Variants in TRIM67 observed in about 807,000 individuals in gnomAD.
TRIM67 encodes tripartite motif-containing protein 67.
Under a neutral mutation model 71.0 loss-of-function variants are expected in TRIM67, and 39 were observed. The ratio of observed to expected loss-of-function variants is 0.55; its 90% CI spans 0.43 to 0.72. The LOEUF is 0.72. Ranked by LOEUF, TRIM67 falls within the 30% of genes least tolerant of loss-of-function variation. The probability of loss-of-function intolerance (pLI) is 0.00; values close to 1 mark genes in which losing one functional copy is unlikely to be tolerated. For synonymous variants in TRIM67, 481 were observed against 473.9 expected (o/e 1.01, Z -0.19); for missense variants, 973 against 1,079.2 (o/e 0.90, Z 1.38).
In TRIM67 at chr1:231,167,319, C is replaced by CTTTTTTTTTTTTTTTTTTTTTTT; in HGVS notation, c.1044+3327_1044+3328insTTTTTTTTTTTTTTTTTTTTTTT. 8.7e-4 allele frequency among the ~76,000 whole-genome samples: 45 copies of CTTTTTTTTTTTTTTTTTTTTTTT among 51,838 alleles called. 10 individuals carry two copies. The highest frequency in any genetic ancestry group is 1.3e-3 in the Non-Finnish European group (36 of 27,216). 34.0% of individuals were successfully genotyped at this position (51,838 alleles called of 152,430 possible). A position where few individuals can be genotyped will look rare whatever the true frequency, so the allele number is the denominator to read the frequency against. Reference sequence around the variant, plus strand: ...ACAGGACTTTTGATCACTCTAATGTCTTTTTTTTTTTTTTTTTTTTTGAGA... The same window carrying CTTTTTTTTTTTTTTTTTTTTTTT: ...ACAGGACTTTTGATCACTCTAATGTCTTTTTTTTTTTTTTTTTTTTTTTTTTTTTTTTTTTTTTTTTTTTGAGA... On this transcript the variant is annotated intron_variant, in intron 1 of 9. Transcript: ENST00000366653.
intron 1 of TRIM67, chr1:231,187,401 T>G (rs575838779): frequency 2.0e-6 from 2 of 987,174 alleles, no homozygotes; most frequent in Non-Finnish European, 2.8e-6. Context: ...TTAATTTTTT[T>G]AAAAAATGAG....
At chr1:231,200,416 C>G (rs1683488031) in intron 4 of TRIM67, among the ~76,000 whole-genome samples, 158 bp downstream of exon 4, 1 of 152,216 alleles carries the variant, frequency 6.6e-6, no homozygotes, top group Non-Finnish European at 1.5e-5. Context: ...CACCTTGGCT[C>G]TGACTCTCAC....
intron 1 of TRIM67, among the ~76,000 whole-genome samples, chr1:231,164,849 A>T (rs185924763): frequency 3.2e-4 from 48 of 152,344 alleles, no homozygotes; most frequent in Non-Finnish European, 5.9e-4. Flanking sequence ...ATTCCTATAT[A>T]GATTTGTTGT....
At chr1:231,165,727 T>A (rs1034496821) in intron 1 of TRIM67, among the ~76,000 whole-genome samples, 1 of 152,236 alleles carries the variant, frequency 6.6e-6, no homozygotes, top group Admixed American at 6.5e-5. Flanking sequence ...TTTCATCTTT[T>A]AAGTGAATAA....
intron 7 of TRIM67, among the ~76,000 whole-genome samples, chr1:231,208,009 C>CTTTTT (rs796809572): frequency 7.6e-6 from 1 of 132,114 alleles, no homozygotes; most frequent in African/African-American, 2.9e-5. Flanking sequence ...TCCTCCTGTA[C>CTTTTT]TTTTTTTTTT....
chr1:231,186,676 T>C (rs750627300), intron 1 of TRIM67, among the ~76,000 whole-genome samples: 45 of 152,126 alleles, frequency 3.0e-4, no homozygotes, highest in Non-Finnish European at 5.6e-4. Flanking sequence ...TCATTCTAAC[T>C]GAATCATCTC....
At chr1:231,198,768 T>C (rs1013219189) in intron 2 of TRIM67, among the ~76,000 whole-genome samples, 2 of 152,334 alleles carry the variant, frequency 1.3e-5, no homozygotes, top group African/African-American at 4.8e-5. Flanking sequence ...CTGACTTTTT[T>C]TCTTTCTTAA....
chr1:231,190,970 G>A (rs1276527276), intron 1 of TRIM67, among the ~76,000 whole-genome samples: 1 of 152,172 alleles, frequency 6.6e-6, no homozygotes, highest in African/African-American at 2.4e-5. Context: ...CTCCAGGCCT[G>A]TTGCTGCATC....
intron 5 of TRIM67, 54 bp from the exon 6 acceptor site, chr1:231,203,813 G>C: frequency 6.3e-7 from 1 of 1,577,584 alleles, no homozygotes; most frequent in Non-Finnish European, 8.6e-7. Context: ...TGGGGGACCG[G>C]GCTGGGGCCC....
In TRIM67 at chr1:231,162,906, G is replaced by C; in HGVS notation, c.-64G>C. On this transcript the variant is annotated 5_prime_UTR_variant, in exon 1 of 10. Transcript: ENST00000366653. ...GGGCGCACCGCGCTGGTCCTCCTCCGCCAGTCTCCCGAGCTCCGGCCATTC... is the reference window on the plus strand; with the variant it reads ...GGGCGCACCGCGCTGGTCCTCCTCCCCCAGTCTCCCGAGCTCCGGCCATTC... 6.4e-7 allele frequency: 1 copy of C among 1,559,710 alleles called. No homozygotes were observed. The highest frequency in any genetic ancestry group is 1.9e-5 in the Admixed American group (1 of 52,816).
chr1:231,193,234 A>G (rs1246247592), intron 1 of TRIM67, among the ~76,000 whole-genome samples: 1 of 152,160 alleles, frequency 6.6e-6, no homozygotes, highest in Admixed American at 6.5e-5. Context: ...GCATTCTTTG[A>G]GCTCCTACTT....
rs116175535 is a variant in TRIM67 at position 231,162,710 on chromosome 1, G to A, written c.-260G>A. 292 of 487,054 alleles carry A rather than the reference G, an allele frequency of 6.0e-4. 2 individuals carry two copies. Among genetic ancestry groups the A allele is most frequent in the African/African-American group, 5.1e-3 (247 of 48,682 alleles). The allele number at this position is 487,054 out of a possible 1,614,324, so 30.2% of individuals were successfully genotyped here. A position where few individuals can be genotyped will look rare whatever the true frequency, so the allele number is the denominator to read the frequency against. ...GGCAGCCGACCGGCTCCGGAATCTG[G>A]CCGCAGGTTGAAGCCGCTGGTGCGG... On this transcript the variant is annotated 5_prime_UTR_variant, in exon 1 of 10. Coordinates refer to ENST00000366653, the MANE Select transcript of TRIM67 (RefSeq NM_001004342.5).
intron 8 of TRIM67, among the ~76,000 whole-genome samples, chr1:231,212,556 G>A (rs1571905474): frequency 6.6e-6 from 1 of 152,296 alleles, no homozygotes; most frequent in Admixed American, 6.5e-5. Context: ...AGACAAGCAG[G>A]ACAAAATTCA....
At chr1:231,212,732 TC>T (rs1683907503) in intron 8 of TRIM67, among the ~76,000 whole-genome samples, 1 of 151,934 alleles carries the variant, frequency 6.6e-6, no homozygotes, top group African/African-American at 2.4e-5. Flanking sequence ...AAAAACCACC[TC>T]AAGGAAGGGA....
rs1682361953 is a variant in TRIM67 at position 231,163,665 on chromosome 1, T to C, written c.696T>C (p.Ser232=). The C allele has an allele frequency of 3.3e-6, 5 of 1,518,598 alleles. No individual in the cohort carries two copies. The highest frequency in any genetic ancestry group is 1.7e-4 in the Middle Eastern group (1 of 5,882). 94.1% of individuals were successfully genotyped at this position (1,518,598 alleles called of 1,614,324 possible). The change falls in exon 1 of 10, where the codon TCT becomes TCC. Residue 232 remains serine, a synonymous_variant. Transcript: ENST00000366653. ...LCEQCDVLYC[S]ACQLKCHPSR... ...AGCAGTGCGACGTCCTCTACTGCTC[T>C]GCCTGCCAGCTCAAGTGCCATCCAT... is the stretch of plus-strand genomic sequence containing the variant.
intron 1 of TRIM67, among the ~76,000 whole-genome samples, chr1:231,191,185 T>C (rs948692691): frequency 2.6e-5 from 4 of 152,210 alleles, no homozygotes; most frequent in African/African-American, 9.7e-5. Context: ...CACCTCAGCC[T>C]CCTGAGTAGC....
At chr1:231,197,271 T>C (rs1683389925) in intron 1 of TRIM67, 100 bp from the exon 2 acceptor site, 3 of 902,838 alleles carry the variant, frequency 3.3e-6, no homozygotes, top group South Asian at 3.0e-5. Flanking sequence ...GTGGGATCAG[T>C]CCTATCCCCT....
intron 1 of TRIM67, among the ~76,000 whole-genome samples, chr1:231,179,928 G>A (rs140081182): frequency 6.4e-4 from 98 of 152,310 alleles, no homozygotes; most frequent in Middle Eastern, 3.4e-3. Context: ...AAGAGTAGGA[G>A]AAGGGATGGA....
intron 1 of TRIM67, among the ~76,000 whole-genome samples, chr1:231,193,699 C>T (rs1249918194): frequency 6.6e-6 from 1 of 152,152 alleles, no homozygotes; most frequent in South Asian, 2.1e-4. Flanking sequence ...GCCCCAGCAT[C>T]TGCTTCTGGT....
Sources: allele counts gnomAD v4.1 joint callset (sites outside exome capture counted in the v4.1 genomes callset), GRCh38; gene constraint gnomAD v4.1.1; transcripts MANE v1.5; gene names NCBI Gene and HGNC (gene_info 2026-07-23, HGNC 2026-07-21).